Variants in BMPR1B observed in about 807,000 individuals in gnomAD.
The protein encoded by BMPR1B is bone morphogenetic protein receptor type 1B, also known as bone morphogenetic protein receptor type-1B.
In BMPR1B, 12 loss-of-function variants were observed where a neutral mutation model predicts 59.1. The observed-to-expected ratio is 0.20, with a 90% CI of 0.13 to 0.33. BMPR1B has a LOEUF of 0.33. Ranked by LOEUF, BMPR1B falls within the 10% of genes least tolerant of loss-of-function variation. The probability of loss-of-function intolerance (pLI) is 1.00; values close to 1 mark genes in which losing one functional copy is unlikely to be tolerated. For missense variants in BMPR1B, 550 were observed against 610.9 expected, an observed-to-expected ratio of 0.90 and a Z score of 1.05; for synonymous variants, 237 against 207.3, an observed-to-expected ratio of 1.14 and a Z score of -1.23.
At position 94,982,415 on chromosome 4, in the gene BMPR1B, A is replaced by C. The variant is rs189402100; in HGVS notation, c.-112-13625A>C. Among the ~76,000 whole-genome samples, 29 of 152,306 alleles carry C rather than the reference A, an allele frequency of 1.9e-4. No homozygotes were observed. The East Asian group carries it at 5.4e-3, about 28-fold the overall frequency. On this transcript the variant is annotated intron_variant, in intron 2 of 12. Transcript: ENST00000515059. Reference sequence around the variant, plus strand: ...TCTTCCAAAGGCTGCTTATGTAATTAGACTAAAATTTAAATTTCTTACTGT... The same window carrying C: ...TCTTCCAAAGGCTGCTTATGTAATTCGACTAAAATTTAAATTTCTTACTGT...
intron 2 of BMPR1B, among the ~76,000 whole-genome samples, chr4:94,958,476 A>G (rs1003176990): frequency 6.6e-6 from 1 of 152,008 alleles, no homozygotes; most frequent in African/African-American, 2.4e-5. Flanking sequence ...TCATTTGGCT[A>G]CCCTTTGCTG....
intron 2 of BMPR1B, among the ~76,000 whole-genome samples, chr4:94,962,179 C>T (rs1229429215): frequency 6.9e-6 from 1 of 144,906 alleles, no homozygotes; most frequent in Non-Finnish European, 1.5e-5. Context: ...GCTCTGTCAC[C>T]GAGGCTGGAG....
chr4:95,064,048 A>AATTAT (rs1412498312), intron 3 of BMPR1B, among the ~76,000 whole-genome samples: 1 of 152,180 alleles, frequency 6.6e-6, no homozygotes, highest in Admixed American at 6.6e-5. Flanking sequence ...GGAGTATAAT[A>AATTAT]GTTTCAACCA....
At chr4:95,083,427 A>C (rs1343487788) in intron 3 of BMPR1B, among the ~76,000 whole-genome samples, 1 of 152,188 alleles carries the variant, frequency 6.6e-6, no homozygotes, top group Non-Finnish European at 1.5e-5. Flanking sequence ...GCAAAAAAAA[A>C]TTTACAGTGT....
At chr4:94,854,874 G>A (rs910830717) in intron 1 of BMPR1B, among the ~76,000 whole-genome samples, 1 of 152,138 alleles carries the variant, frequency 6.6e-6, no homozygotes, top group African/African-American at 2.4e-5. Context: ...TTTTAAACTT[G>A]AGGGCTATTT....
chr4:94,817,131 C>G (rs1724041652), intron 1 of BMPR1B, among the ~76,000 whole-genome samples: 3 of 152,202 alleles, frequency 2.0e-5, no homozygotes, highest in South Asian at 2.1e-4. Flanking sequence ...CCAAGAGCAG[C>G]TCTCATCAGC....
rs547331324 is a variant in BMPR1B, at chr4:94,943,377, G to A, written c.-112-52663G>A. On this transcript the variant is annotated intron_variant, in intron 2 of 12. Transcript: ENST00000515059. ...TGGTCTCGAACTCCTGCCCGTCTCAGCCTCCCAAAGGGCTGGGATTACAGG... is the reference window on the plus strand; with the variant it reads ...TGGTCTCGAACTCCTGCCCGTCTCAACCTCCCAAAGGGCTGGGATTACAGG... Among the ~76,000 whole-genome samples the A allele has an allele frequency of 1.9e-4, 29 of 152,234 alleles. No individual in the cohort carries two copies. The South Asian group carries it at 6.0e-3, about 32-fold the overall frequency.
intron 2 of BMPR1B, among the ~76,000 whole-genome samples, chr4:94,881,746 T>C (rs1726982271): frequency 6.6e-6 from 1 of 152,188 alleles, no homozygotes; most frequent in Non-Finnish European, 1.5e-5. Context: ...ATTACAGGCA[T>C]GAGCCACTGC....
At chr4:95,147,653 G>A (rs942966310) in intron 10 of BMPR1B, among the ~76,000 whole-genome samples, 2 of 152,146 alleles carry the variant, frequency 1.3e-5, no homozygotes, top group Admixed American at 1.3e-4. Context: ...ATGAGTTTCT[G>A]TACCTTTTTG....
chr4:95,084,215 A>G (rs1294678719), intron 3 of BMPR1B, among the ~76,000 whole-genome samples: 1 of 151,162 alleles, frequency 6.6e-6, no homozygotes, highest in Non-Finnish European at 1.5e-5. Flanking sequence ...TTATATACAC[A>G]TGTATAAATA....
At chr4:94,980,768 C>A (rs1721006946) in intron 2 of BMPR1B, among the ~76,000 whole-genome samples, 1 of 152,098 alleles carries the variant, frequency 6.6e-6, no homozygotes, top group African/African-American at 2.4e-5. Context: ...AAATCATTGT[C>A]AAATCAAAGT....
At chr4:94,804,862 T>C (rs999504198) in intron 1 of BMPR1B, among the ~76,000 whole-genome samples, 5 of 152,200 alleles carry the variant, frequency 3.3e-5, no homozygotes, top group Non-Finnish European at 7.4e-5. Context: ...AATGTTTCGC[T>C]TGGCTGCAGG....
intron 3 of BMPR1B, among the ~76,000 whole-genome samples, chr4:95,022,702 T>C (rs1724081470): frequency 6.6e-6 from 1 of 152,172 alleles, no homozygotes; most frequent in Admixed American, 6.6e-5. Context: ...TTCATTTCTA[T>C]GGCATCAATG....
rs193212263 is a variant in BMPR1B, at chr4:95,106,107, A to G, written c.143+1540A>G. 6.6e-5 allele frequency among the ~76,000 whole-genome samples: 10 copies of G among 152,156 alleles called. No individual in the cohort carries two copies. In the East Asian group the frequency reaches 1.9e-3, roughly 29 times the overall value. On this transcript the variant is annotated intron_variant, in intron 4 of 12. Transcript: ENST00000515059. ...TTGTGGGAAGAAGCTTGGCGTGTTC[A>G]AAAGAAACTGTTTTTTCTAGAGTAC...
chr4:95,147,558 G>GAAAAGC (rs1734735778), intron 10 of BMPR1B, among the ~76,000 whole-genome samples: 4 of 151,058 alleles, frequency 2.6e-5, no homozygotes, highest in Non-Finnish European at 5.9e-5. Flanking sequence ...AGAGTGTAAT[G>GAAAAGC]AAAAGCAAAA....
chr4:95,099,712 G>T (rs144897336), intron 3 of BMPR1B, among the ~76,000 whole-genome samples: 3 of 152,012 alleles, frequency 2.0e-5, no homozygotes, highest in South Asian at 4.2e-4. Context: ...TCCTTTCCGC[G>T]TAGCAACTAC....
chr4:95,083,482 GAT>G (rs1308466550), intron 3 of BMPR1B, among the ~76,000 whole-genome samples: 1 of 152,092 alleles, frequency 6.6e-6, no homozygotes, highest in Non-Finnish European at 1.5e-5. Flanking sequence ...TAGCTGAAGT[GAT>G]TTAAAAAGGG....
At chr4:94,814,974 G>T (rs918278264) in intron 1 of BMPR1B, among the ~76,000 whole-genome samples, 15 of 152,038 alleles carry the variant, frequency 9.9e-5, no homozygotes, top group African/African-American at 3.4e-4. Flanking sequence ...CGCCATCTTG[G>T]CTCACTGCAA....
At chr4:94,990,378 T>G (rs981745320) in intron 2 of BMPR1B, among the ~76,000 whole-genome samples, 1 of 152,018 alleles carries the variant, frequency 6.6e-6, no homozygotes, top group Non-Finnish European at 1.5e-5. Flanking sequence ...AAAGAAAATA[T>G]AAGTTGAAGC....
Sources: gnomAD v4.1 joint callset for allele counts (sites outside exome capture counted in the v4.1 genomes callset) on GRCh38, gnomAD v4.1.1 for gene constraint, MANE v1.5 for transcripts, NCBI Gene and HGNC (gene_info 2026-07-23, HGNC 2026-07-21) for gene names.